The following CNTNAP2 variants were observed in gnomAD, a reference collection of about 807,000 sequenced individuals.
The protein encoded by CNTNAP2 is contactin-associated protein-like 2.
Under a neutral mutation model 155.2 loss-of-function variants are expected in CNTNAP2, and 98 were observed. That is an observed-to-expected ratio of 0.63 (90% confidence interval 0.54 to 0.75). CNTNAP2 has a LOEUF of 0.75. Ranked by LOEUF, CNTNAP2 falls within the 30% of genes least tolerant of loss-of-function variation. CNTNAP2 has a pLI of 0.00. For missense variants in CNTNAP2, 1,727 were observed against 1,688.1 expected (o/e 1.02, Z -0.40); for synonymous variants, 651 against 631.2 (o/e 1.03, Z -0.47).
intron 1 of CNTNAP2, among the ~76,000 whole-genome samples, chr7:146,360,042 G>A (rs1795060288): frequency 6.6e-6 from 1 of 152,140 alleles, no homozygotes; most frequent in African/African-American, 2.4e-5. Flanking sequence ...GTACACCTCA[G>A]TACCAGAATT....
chr7:147,456,595 G>A (rs940378694), intron 10 of CNTNAP2, among the ~76,000 whole-genome samples: 3 of 152,138 alleles, frequency 2.0e-5, no homozygotes, highest in Non-Finnish European at 2.9e-5. Flanking sequence ...AGAAAGGAAA[G>A]AGGAAACATC....
At chr7:147,702,327 C>G (rs1012656395) in intron 13 of CNTNAP2, among the ~76,000 whole-genome samples, 4 of 151,946 alleles carry the variant, frequency 2.6e-5, no homozygotes, top group African/African-American at 9.7e-5. Context: ...AAGTCTTGAA[C>G]AGACTTTCTG....
intron 16 of CNTNAP2, among the ~76,000 whole-genome samples, chr7:148,133,158 T>C (rs1009172571): frequency 1.3e-5 from 2 of 152,078 alleles, no homozygotes; most frequent in Non-Finnish European, 1.5e-5. Flanking sequence ...TGCAGCCATA[T>C]GACAGTCTGA....
At chr7:148,208,503 G>C (rs6973140) in intron 18 of CNTNAP2, among the ~76,000 whole-genome samples, 146,812 of 152,184 alleles carry the variant, frequency 0.96, 71,068 homozygotes, top group Middle Eastern at 1. Context: ...CAGGATACAC[G>C]GAGGAAAAAG....
At chr7:147,913,495 CT>C (rs1332736417) in intron 14 of CNTNAP2, among the ~76,000 whole-genome samples, 1 of 152,048 alleles carries the variant, frequency 6.6e-6, no homozygotes, top group African/African-American at 2.4e-5. Context: ...GTTTTTACAG[CT>C]TCAGATTTTT....
At chr7:146,265,393 G>T (rs1473960201) in intron 1 of CNTNAP2, among the ~76,000 whole-genome samples, 1 of 151,580 alleles carries the variant, frequency 6.6e-6, no homozygotes, top group African/African-American at 2.4e-5. Context: ...AATTGTTGAG[G>T]CATGTTTCTA....
intron 21 of CNTNAP2, among the ~76,000 whole-genome samples, chr7:148,331,738 T>TGGAC (rs1798025038): frequency 1.3e-5 from 2 of 150,690 alleles, no homozygotes; most frequent in Admixed American, 6.6e-5. Flanking sequence ...ATGGATGGAG[T>TGGAC]GGATGGATGG....
At chr7:146,795,428 T>G (rs1201156630) in intron 2 of CNTNAP2, among the ~76,000 whole-genome samples, 1 of 152,132 alleles carries the variant, frequency 6.6e-6, no homozygotes, top group Non-Finnish European at 1.5e-5. Flanking sequence ...AGGATTCACA[T>G]GTAAAGATGA....
At chr7:147,056,255 A>G (rs1195960850) in intron 4 of CNTNAP2, among the ~76,000 whole-genome samples, 1 of 152,096 alleles carries the variant, frequency 6.6e-6, no homozygotes, top group Non-Finnish European at 1.5e-5. Context: ...TATCATGTCT[A>G]TTTAGCTGTA....
At position 147,088,115 on chromosome 7, in the gene CNTNAP2, A is replaced by G. The variant is rs1305489915; in HGVS notation, c.551-20032A>G. ...GCAGCTTCCACTAATCAATCTCGCTAACCTCAGGACTCTAACTTTCATTTT... is the reference window on the plus strand; with the variant it reads ...GCAGCTTCCACTAATCAATCTCGCTGACCTCAGGACTCTAACTTTCATTTT... On this transcript the variant is annotated intron_variant, in intron 4 of 23. Transcript: ENST00000361727. Among the ~76,000 whole-genome samples the G allele has an allele frequency of 1.3e-5, 2 of 152,216 alleles. 1 individual carries two copies. Among genetic ancestry groups the G allele is most frequent in the East Asian group, 3.8e-4 (2 of 5,204 alleles).
At chr7:146,768,477 G>A (rs977196580) in intron 1 of CNTNAP2, among the ~76,000 whole-genome samples, 2 of 151,728 alleles carry the variant, frequency 1.3e-5, no homozygotes, top group African/African-American at 4.8e-5. Context: ...ATGGACATCA[G>A]GGGGTAGATA....
chr7:147,313,738 C>T (rs951305703), intron 9 of CNTNAP2, among the ~76,000 whole-genome samples: 277 of 152,150 alleles, frequency 1.8e-3, no homozygotes, highest in African/African-American at 6.2e-3. Context: ...ACTGACTTGG[C>T]GATGCGGGCT....
intron 1 of CNTNAP2, among the ~76,000 whole-genome samples, chr7:146,618,190 C>T (rs1054406021): frequency 3.3e-5 from 5 of 152,150 alleles, no homozygotes; most frequent in South Asian, 2.1e-4. Flanking sequence ...GCTCAGAAGG[C>T]GAATCACCTT....
chr7:147,214,574 T>C (rs770066287), intron 8 of CNTNAP2, among the ~76,000 whole-genome samples: 10 of 152,172 alleles, frequency 6.6e-5, no homozygotes, highest in Admixed American at 4.6e-4. Flanking sequence ...ATATCTCATA[T>C]AGCCATAAGA....
At chr7:146,398,937 A>G (rs1035044246) in intron 1 of CNTNAP2, among the ~76,000 whole-genome samples, 1 of 152,104 alleles carries the variant, frequency 6.6e-6, no homozygotes, top group East Asian at 1.9e-4. Context: ...ATCCTGTCAT[A>G]ATAACCTATG....
intron 14 of CNTNAP2, among the ~76,000 whole-genome samples, chr7:147,938,646 G>A (rs1431773973): frequency 3.3e-5 from 5 of 152,176 alleles, no homozygotes; most frequent in Non-Finnish European, 5.9e-5. Context: ...GGCAAACCAC[G>A]TAAATTAAGT....
intron 12 of CNTNAP2, among the ~76,000 whole-genome samples, chr7:147,582,889 C>G (rs757294657): frequency 6.6e-6 from 1 of 152,044 alleles, no homozygotes; most frequent in African/African-American, 2.4e-5. Flanking sequence ...CATTTAACTG[C>G]GGACTCTAAT....
intron 8 of CNTNAP2, among the ~76,000 whole-genome samples, chr7:147,236,080 A>T (rs539361823): frequency 6.0e-4 from 92 of 152,224 alleles, no homozygotes; most frequent in African/African-American, 2.0e-3. Context: ...CTTAACCCCC[A>T]GTTATAAGCA....
chr7:146,614,261 C>T (rs928109062), intron 1 of CNTNAP2, among the ~76,000 whole-genome samples: 3 of 152,130 alleles, frequency 2.0e-5, no homozygotes, highest in Admixed American at 6.5e-5. Context: ...TTAAGTTATG[C>T]ACAATATTTT....
Sources: gnomAD v4.1 joint callset for allele counts (sites outside exome capture counted in the v4.1 genomes callset) on GRCh38, gnomAD v4.1.1 for gene constraint, MANE v1.5 for transcripts, NCBI Gene and HGNC (gene_info 2026-07-23, HGNC 2026-07-21) for gene names.